HECW2: variants seen among roughly 807,000 people sequenced by gnomAD.
HECW2 encodes HECT, C2 and WW domain containing E3 ubiquitin protein ligase 2.
A neutral mutation model predicts 175.2 loss-of-function variants in HECW2; 61 were observed. That is an observed-to-expected ratio of 0.35 (90% CI 0.28 to 0.43). The LOEUF is 0.43. Among genes scored for constraint, HECW2 ranks in the 20% least tolerant of loss-of-function variants. The pLI is 1.00. For missense variants in HECW2, 1,524 were observed against 2,000.5 expected (o/e 0.76, Z 4.54); for synonymous variants, 671 against 731.0 (o/e 0.92, Z 1.32).
At chr2:196,262,262 A>G (rs1689325076) in intron 17 of HECW2, among the ~76,000 whole-genome samples, 1 of 152,164 alleles carries the variant, frequency 6.6e-6, no homozygotes, top group Non-Finnish European at 1.5e-5. Context: ...CCTGGCCTCA[A>G]GTGATCCTCC....
At chr2:196,368,350 A>G (rs62187069) in intron 2 of HECW2, among the ~76,000 whole-genome samples, 11,262 of 152,188 alleles carry the variant, frequency 0.074, 629 homozygotes, top group African/African-American at 0.16. Context: ...CTGCTGCTAG[A>G]TATATTGGAA....
At chr2:196,571,528 G>A (rs186569016) in intron 1 of HECW2, among the ~76,000 whole-genome samples, 1 of 152,192 alleles carries the variant, frequency 6.6e-6, no homozygotes, top group East Asian at 1.9e-4. Flanking sequence ...GGCCAACATG[G>A]TGAAACCCCA....
intron 1 of HECW2, among the ~76,000 whole-genome samples, chr2:196,567,368 A>T (rs1018242946): frequency 6.6e-6 from 1 of 152,228 alleles, no homozygotes; most frequent in African/African-American, 2.4e-5. Context: ...GCTCATATCC[A>T]AACAATCATA....
At chr2:196,423,533 C>A (rs1471516403) in intron 2 of HECW2, among the ~76,000 whole-genome samples, 1 of 152,102 alleles carries the variant, frequency 6.6e-6, no homozygotes, top group East Asian at 1.9e-4. Flanking sequence ...ACAACGCAAA[C>A]CTTTCTCTAA....
intron 1 of HECW2, among the ~76,000 whole-genome samples, chr2:196,499,092 T>A (rs1036286173): frequency 6.6e-6 from 1 of 152,094 alleles, no homozygotes; most frequent in African/African-American, 2.4e-5. Flanking sequence ...AGAGGCAAAT[T>A]TGAGAAATAT....
intron 16 of HECW2, 40 bp from the exon 17 acceptor site, chr2:196,271,329 A>T: frequency 7.0e-7 from 1 of 1,421,276 alleles, no homozygotes; most frequent in Non-Finnish European, 9.9e-7. Context: ...TTAAAAAAGA[A>T]TCTATTTTTA....
chr2:196,548,681 C>A lies in HECW2; in HGVS notation c.-36+44827G>T, dbSNP rs1689504826. ...TTTACTGGGACTGCCATAAGAAATA[C>A]CACAGCCTGGGTGGCTTAAACAACA... is the stretch of plus-strand genomic sequence containing the variant. On this transcript the variant is annotated intron_variant, in intron 1 of 28. Transcript: ENST00000644978. Among the ~76,000 whole-genome samples, 3 of 152,206 alleles carry A rather than the reference C, an allele frequency of 2.0e-5. No homozygotes were observed. In the South Asian group the frequency reaches 6.2e-4, roughly 32 times the overall value.
At chr2:196,211,820 A>C (rs1192531689) in intron 28 of HECW2, among the ~76,000 whole-genome samples, 1 of 151,956 alleles carries the variant, frequency 6.6e-6, no homozygotes, top group Admixed American at 6.6e-5. Context: ...CCGACACAAG[A>C]CCATGCCAGA....
At chr2:196,486,823 C>A (rs543448228) in intron 1 of HECW2, among the ~76,000 whole-genome samples, 5 of 152,288 alleles carry the variant, frequency 3.3e-5, no homozygotes, top group African/African-American at 1.2e-4. Context: ...TAATTTTAAG[C>A]AGCTTCACCT....
At chr2:196,571,616 C>T (rs555661202) in intron 1 of HECW2, among the ~76,000 whole-genome samples, 5 of 151,594 alleles carry the variant, frequency 3.3e-5, no homozygotes, top group African/African-American at 9.7e-5. Flanking sequence ...GGCTGAGGCA[C>T]GAAAGGCATG....
chr2:196,341,972 C>T (rs1425799031), intron 3 of HECW2, among the ~76,000 whole-genome samples: 5 of 152,120 alleles, frequency 3.3e-5, no homozygotes, highest in Non-Finnish European at 7.4e-5. Context: ...TTAATGTTCA[C>T]GTTTAGTAAG....
At chr2:196,217,675 TC>T (rs1687525350) in intron 26 of HECW2, 1 of 152,236 alleles carries the variant, frequency 6.6e-6, no homozygotes, top group African/African-American at 2.4e-5. Context: ...GACCTTTAGT[TC>T]CTTAAATAAA....
chr2:196,435,502 A>G (rs1695842649), intron 1 of HECW2, among the ~76,000 whole-genome samples: 1 of 152,212 alleles, frequency 6.6e-6, no homozygotes, highest in South Asian at 2.1e-4. Context: ...TACTTCCCTG[A>G]AAGAAAGAAA....
At chr2:196,528,315 A>G (rs1042807754) in intron 1 of HECW2, among the ~76,000 whole-genome samples, 6 of 152,228 alleles carry the variant, frequency 3.9e-5, no homozygotes, top group African/African-American at 9.6e-5. Flanking sequence ...TACCTATATT[A>G]TTAAAAATTG....
intron 1 of HECW2, among the ~76,000 whole-genome samples, chr2:196,573,722 T>C (rs915779415): frequency 2.0e-5 from 3 of 152,010 alleles, no homozygotes; most frequent in African/African-American, 7.3e-5. Context: ...ATACCAGCTG[T>C]GGCAAACAAG....
chr2:196,225,617 G>A (rs894463247), intron 23 of HECW2, among the ~76,000 whole-genome samples, 155 bp downstream of exon 23: 2 of 152,196 alleles, frequency 1.3e-5, no homozygotes, highest in African/African-American at 4.8e-5. Context: ...ATTTGAAATT[G>A]CATTAGTTTC....
intron 1 of HECW2, among the ~76,000 whole-genome samples, chr2:196,592,160 A>C (rs1196651304): frequency 2.0e-5 from 3 of 152,250 alleles, no homozygotes; most frequent in Non-Finnish European, 2.9e-5. Flanking sequence ...AGGTATATAT[A>C]TACGAAAACA....
intron 28 of HECW2, among the ~76,000 whole-genome samples, chr2:196,203,548 A>G (rs911753928): frequency 2.0e-5 from 3 of 152,212 alleles, no homozygotes; most frequent in Admixed American, 6.5e-5. Flanking sequence ...TTAGACTAAC[A>G]GATGACACCA....
chr2:196,569,392 T>G (rs1274188804), intron 1 of HECW2, among the ~76,000 whole-genome samples: 5 of 152,126 alleles, frequency 3.3e-5, no homozygotes, highest in African/African-American at 1.2e-4. Flanking sequence ...TAAAATAGGC[T>G]TTGTGTCTCA....
Sources: gnomAD v4.1 joint callset for allele counts (sites outside exome capture counted in the v4.1 genomes callset) on GRCh38, gnomAD v4.1.1 for gene constraint, MANE v1.5 for transcripts, NCBI Gene and HGNC (gene_info 2026-07-23, HGNC 2026-07-21) for gene names.